Variants in CLASP2 observed in about 807,000 individuals in gnomAD.
The protein encoded by CLASP2 is CLIP-associating protein 2.
CLASP2 carries 47 observed loss-of-function variants against 194.4 expected under a neutral mutation model. That is an observed-to-expected ratio of 0.24 (90% CI 0.19 to 0.31). The LOEUF (loss-of-function observed/expected upper bound fraction) is 0.31, where lower values mean the gene tolerates loss of function less well. CLASP2 is among the 10% of genes least tolerant of loss of function. The probability of loss-of-function intolerance (pLI) is 1.00; values close to 1 mark genes in which losing one functional copy is unlikely to be tolerated. For missense variants in CLASP2, 1,445 were observed against 1,823.6 expected, an observed-to-expected ratio of 0.79 and a Z score of 3.78; for synonymous variants, 619 against 633.5, an observed-to-expected ratio of 0.98 and a Z score of 0.34.
At chr3:33,640,882 T>C (rs989257278) in intron 8 of CLASP2, among the ~76,000 whole-genome samples, 1 of 152,064 alleles carries the variant, frequency 6.6e-6, no homozygotes, top group Non-Finnish European at 1.5e-5. Flanking sequence ...GGAATCATAC[T>C]AGTTGAGCTT....
intron 25 of CLASP2, among the ~76,000 whole-genome samples, chr3:33,571,305 G>A (rs192513374): frequency 0.012 from 1,795 of 150,516 alleles, 16 homozygotes; most frequent in Non-Finnish European, 0.017. Context: ...GACCCACCGC[G>A]CCCGGCCTGT....
At chr3:33,665,852 C>T (rs2086085669) in intron 6 of CLASP2, among the ~76,000 whole-genome samples, 1 of 151,980 alleles carries the variant, frequency 6.6e-6, no homozygotes, top group Non-Finnish European at 1.5e-5. Context: ...AAGAAATAAA[C>T]AATTTAAGAG....
chr3:33,695,681 T>C (rs2154350585), intron 2 of CLASP2, among the ~76,000 whole-genome samples: 1 of 152,224 alleles, frequency 6.6e-6, no homozygotes, highest in South Asian at 2.1e-4. Context: ...GGTTCATGCC[T>C]ATAATGCTAA....
chr3:33,713,203 T>C (rs1272672859), intron 1 of CLASP2, among the ~76,000 whole-genome samples: 1 of 152,104 alleles, frequency 6.6e-6, no homozygotes, highest in African/African-American at 2.4e-5. Flanking sequence ...TTGTCCTTTA[T>C]AGTACAGCTA....
intron 8 of CLASP2, among the ~76,000 whole-genome samples, chr3:33,641,276 A>G (rs2081230547): frequency 6.6e-6 from 1 of 151,988 alleles, no homozygotes; most frequent in Non-Finnish European, 1.5e-5. Flanking sequence ...ACTTTCAGCA[A>G]TTCTAGTAAC....
chr3:33,714,062 C>CA (rs76782055), intron 1 of CLASP2, among the ~76,000 whole-genome samples: 1 of 151,814 alleles, frequency 6.6e-6, no homozygotes, highest in African/African-American at 2.4e-5. Flanking sequence ...TCCTTTTCTA[C>CA]AAAAAAAGGA....
chr3:33,536,009 T>G (rs2057264937), intron 33 of CLASP2, among the ~76,000 whole-genome samples: 1 of 151,914 alleles, frequency 6.6e-6, no homozygotes, highest in African/African-American at 2.4e-5. Flanking sequence ...TATCAAAATA[T>G]GAATATGAAT....
chr3:33,515,611 T>C (rs2051091579), intron 36 of CLASP2, among the ~76,000 whole-genome samples: 1 of 152,138 alleles, frequency 6.6e-6, no homozygotes, highest in Non-Finnish European at 1.5e-5. Context: ...ATCACACCAC[T>C]GCACTCCAGC....
intron 30 of CLASP2, among the ~76,000 whole-genome samples, chr3:33,545,550 A>ATGT (rs2059026103): frequency 1.3e-5 from 2 of 152,180 alleles, no homozygotes; most frequent in Admixed American, 1.3e-4. Context: ...ATACAACACA[A>ATGT]TCTTGGAAGA....
At chr3:33,687,625 ATAAAG>A (rs2090850304) in intron 4 of CLASP2, among the ~76,000 whole-genome samples, 1 of 152,256 alleles carries the variant, frequency 6.6e-6, no homozygotes, top group Non-Finnish European at 1.5e-5. Context: ...AGAAAGGACT[ATAAAG>A]TAATAAAAGA....
chr3:33,605,951 C>G (rs753522998), intron 16 of CLASP2, among the ~76,000 whole-genome samples: 2 of 152,094 alleles, frequency 1.3e-5, no homozygotes, highest in Non-Finnish European at 2.9e-5. Context: ...TGGGGGAAAT[C>G]TGCAGATACA....
intron 7 of CLASP2, chr3:33,659,006 C>G: frequency 1.3e-6 from 2 of 1,535,934 alleles, no homozygotes; most frequent in Non-Finnish European, 1.7e-6. Context: ...GTCCAGGGAG[C>G]TCTCTGAAAC....
chr3:33,659,067 T>A lies in CLASP2; in HGVS notation c.715+4378A>T, dbSNP rs768766677. 7 of 1,526,894 alleles carry A rather than the reference T, an allele frequency of 4.6e-6. No homozygotes were observed. The South Asian group carries it at 6.1e-5, about 13-fold the overall frequency. 94.6% of individuals were successfully genotyped at this position (1,526,894 alleles called of 1,614,324 possible). On this transcript the variant is annotated intron_variant, in intron 7 of 38. Transcript: ENST00000682230. ...AAGTACAGCTCAGTGCCTGCGCCAC[T>A]GGGCTCGGCCTGCAGCCTGCAGACA...
intron 6 of CLASP2, among the ~76,000 whole-genome samples, chr3:33,681,200 A>G (rs930992517): frequency 6.6e-6 from 1 of 152,132 alleles, no homozygotes; most frequent in African/African-American, 2.4e-5. Flanking sequence ...ACACACGCAC[A>G]CACACAAATA....
At chr3:33,631,679 A>G (rs2079106837) in intron 9 of CLASP2, among the ~76,000 whole-genome samples, 1 of 150,832 alleles carries the variant, frequency 6.6e-6, no homozygotes, top group South Asian at 2.1e-4. Flanking sequence ...TCTGGGCAAC[A>G]GAGCTAGACT....
At chr3:33,674,788 A>G (rs1054717951) in intron 6 of CLASP2, among the ~76,000 whole-genome samples, 6 of 152,202 alleles carry the variant, frequency 3.9e-5, no homozygotes, top group Admixed American at 6.5e-5. Context: ...ACAAACTACC[A>G]TCAGAGCATA....
At chr3:33,671,894 G>A (rs1004858994) in intron 6 of CLASP2, among the ~76,000 whole-genome samples, 4 of 152,166 alleles carry the variant, frequency 2.6e-5, no homozygotes, top group African/African-American at 4.8e-5. Flanking sequence ...TGGGAGAGGG[G>A]TGCCCGCCAT....
At chr3:33,517,637 C>T (rs1162456527) in intron 34 of CLASP2, among the ~76,000 whole-genome samples, 1 of 152,114 alleles carries the variant, frequency 6.6e-6, no homozygotes, top group African/African-American at 2.4e-5. Flanking sequence ...AATCTAATCC[C>T]ACCATTGTAA....
rs574204069 is a variant in CLASP2 at position 33,669,747 on chromosome 3, T to TA, written c.645-6233dup. ...ACACCCACTAAAAACCTAAAATTAG[T>TA]AAAAATAAGCCTAACAATACAAAAT... On this transcript the variant is annotated intron_variant, in intron 6 of 38. Transcript: ENST00000682230. 2.6e-3 allele frequency among the ~76,000 whole-genome samples: 396 copies of TA among 152,116 alleles called. 1 individual carries two copies. The highest frequency in any genetic ancestry group is 5.4e-3 in the Admixed American group (82 of 15,288).
Sources: gnomAD v4.1 joint callset for allele counts (sites outside exome capture counted in the v4.1 genomes callset) on GRCh38, gnomAD v4.1.1 for gene constraint, MANE v1.5 for transcripts, NCBI Gene and HGNC (gene_info 2026-07-23, HGNC 2026-07-21) for gene names.